The following CTNNA3 variants were observed in gnomAD, a reference collection of about 807,000 sequenced individuals.
The protein encoded by CTNNA3 is catenin alpha 3.
A neutral mutation model predicts 95.7 loss-of-function variants in CTNNA3; 76 were observed. That is an observed-to-expected ratio of 0.79 (90% confidence interval 0.66 to 0.96). The LOEUF is 0.96. Among genes scored for constraint, CTNNA3 ranks in the 40% least tolerant of loss-of-function variants. CTNNA3 has a pLI of 0.00. For missense variants in CTNNA3, 1,191 were observed against 1,089.8 expected, an observed-to-expected ratio of 1.09 and a Z score of -1.31; for synonymous variants, 431 against 374.4, an observed-to-expected ratio of 1.15 and a Z score of -1.74.
At chr10:66,188,591 GTCTCT>G (rs1203504930) in intron 13 of CTNNA3, among the ~76,000 whole-genome samples, 1 of 107,008 alleles carries the variant, frequency 9.3e-6, no homozygotes, top group African/African-American at 4.8e-5. Flanking sequence ...GGGAGGGGGG[GTCTCT>G]GTGTGTGTGT....
chr10:66,599,926 T>A (rs1206911774), intron 10 of CTNNA3, among the ~76,000 whole-genome samples: 2 of 151,988 alleles, frequency 1.3e-5, no homozygotes, highest in Non-Finnish European at 2.9e-5. Context: ...AGAGCTAAAG[T>A]CTTTGGGAAA....
At chr10:66,875,858 T>C (rs1202314591) in intron 7 of CTNNA3, among the ~76,000 whole-genome samples, 1 of 151,874 alleles carries the variant, frequency 6.6e-6, no homozygotes, top group Non-Finnish European at 1.5e-5. Flanking sequence ...ATTAAAAGAG[T>C]CCTTAAAGCA....
chr10:67,197,842 T>C (rs1451613397), intron 6 of CTNNA3, among the ~76,000 whole-genome samples: 1 of 152,180 alleles, frequency 6.6e-6, no homozygotes. Context: ...GTCACTGTGT[T>C]TAAAATTTTA....
At chr10:66,919,305 T>C (rs1192151466) in intron 7 of CTNNA3, among the ~76,000 whole-genome samples, 1 of 152,142 alleles carries the variant, frequency 6.6e-6, no homozygotes, top group Non-Finnish European at 1.5e-5. Context: ...CTCTCAACTT[T>C]TGCGTATGCT....
At chr10:66,980,022 G>A (rs1850319014) in intron 7 of CTNNA3, among the ~76,000 whole-genome samples, 1 of 152,132 alleles carries the variant, frequency 6.6e-6, no homozygotes, top group Admixed American at 6.6e-5. Context: ...TTATGCATTG[G>A]CACTGGAGAC....
chr10:66,166,750 C>CA (rs146443887), intron 13 of CTNNA3, among the ~76,000 whole-genome samples: 9 of 151,096 alleles, frequency 6.0e-5, no homozygotes, highest in African/African-American at 1.5e-4. Context: ...ATTATAACAG[C>CA]AAAAAAAATT....
chr10:67,757,034 T>C (rs1841437250), intron 1 of CTNNA3, among the ~76,000 whole-genome samples: 2 of 152,360 alleles, frequency 1.3e-5, no homozygotes, highest in Middle Eastern at 3.4e-3. Flanking sequence ...TTATCATATA[T>C]TGAGTACCTA....
chr10:67,063,681 C>T (rs769137045), intron 7 of CTNNA3, among the ~76,000 whole-genome samples: 2 of 152,172 alleles, frequency 1.3e-5, no homozygotes, highest in Non-Finnish European at 2.9e-5. Context: ...ACACCTAATA[C>T]GTATGAAGTC....
chr10:66,314,411 T>G (rs1046612060), intron 12 of CTNNA3, among the ~76,000 whole-genome samples: 1 of 150,504 alleles, frequency 6.6e-6, no homozygotes, highest in African/African-American at 2.4e-5. Flanking sequence ...TTTTAAAATA[T>G]CATGTGTGGA....
intron 7 of CTNNA3, among the ~76,000 whole-genome samples, chr10:66,942,115 A>T (rs1169173832): frequency 6.6e-6 from 1 of 152,170 alleles, no homozygotes; most frequent in Non-Finnish European, 1.5e-5. Flanking sequence ...TTGAGGATAA[A>T]TTGAGATAAC....
At chr10:66,533,658 A>T (rs1841547181) in intron 10 of CTNNA3, among the ~76,000 whole-genome samples, 1 of 152,200 alleles carries the variant, frequency 6.6e-6, no homozygotes, top group South Asian at 2.1e-4. Flanking sequence ...CCATGTAACC[A>T]GGGCTCCAGT....
At chr10:67,425,207 A>G (rs1181648913) in intron 5 of CTNNA3, among the ~76,000 whole-genome samples, 1 of 152,120 alleles carries the variant, frequency 6.6e-6, no homozygotes, top group Non-Finnish European at 1.5e-5. Flanking sequence ...TCTTTCATTC[A>G]TTCAATATTT....
At chr10:67,554,386 G>C (rs567459580) in intron 3 of CTNNA3, among the ~76,000 whole-genome samples, 4 of 152,190 alleles carry the variant, frequency 2.6e-5, no homozygotes, top group Non-Finnish European at 5.9e-5. Context: ...GTGTAAAAGT[G>C]TTCCTATTTC....
In CTNNA3 at chr10:66,927,959, G is replaced by A; in HGVS notation, c.1048-152435C>T. ...TGTGCCAGTCCCAAAGAGCTGCAAG[G>A]AGTAAATGTGATCGATGCAGTGAAG... On this transcript the variant is annotated intron_variant, in intron 7 of 17. Coordinates refer to ENST00000433211, the MANE Select transcript of CTNNA3 (RefSeq NM_013266.4). This position sits in a 1 kb window ranked among gnomAD's most constrained non-coding sequence, Gnocchi z 4.7. 1 of 1,614,224 alleles carries A rather than the reference G, an allele frequency of 6.2e-7. No homozygotes were observed. Among genetic ancestry groups the A allele is most frequent in the Non-Finnish European group, 8.5e-7 (1 of 1,180,046 alleles).
At chr10:67,323,259 T>A (rs928492730) in intron 5 of CTNNA3, among the ~76,000 whole-genome samples, 6 of 152,232 alleles carry the variant, frequency 3.9e-5, no homozygotes, top group Non-Finnish European at 1.5e-5. Context: ...TTGTTGCAAT[T>A]GCTTTTGGTG....
intron 7 of CTNNA3, chr10:67,098,629 T>G (rs1205642928): frequency 6.6e-6 from 1 of 152,172 alleles, no homozygotes; most frequent in Middle Eastern, 3.2e-3. Flanking sequence ...TTGTTAAGGG[T>G]TGGGGGAAAG....
rs1015036745 is a variant in CTNNA3 at position 67,369,628 on chromosome 10, C to G, written c.580-149758G>C. Among the ~76,000 whole-genome samples the G allele has an allele frequency of 4.6e-5, 7 of 152,082 alleles. No individual in the cohort carries two copies. The East Asian group carries it at 1.4e-3, about 29-fold the overall frequency. On this transcript the variant is annotated intron_variant, in intron 5 of 17. Transcript: ENST00000433211. The stretch of plus-strand genomic sequence containing the variant: ...GTTAATCTACTCAATATTTTAAAAG[C>G]TCCTAAAAATCAGTAAGCAAAAGAA...
At chr10:66,500,818 T>G (rs888850263) in intron 11 of CTNNA3, among the ~76,000 whole-genome samples, 7 of 152,270 alleles carry the variant, frequency 4.6e-5, no homozygotes, top group Non-Finnish European at 8.8e-5. Context: ...CTGAAGTTGA[T>G]TAAATTATAA....
intron 5 of CTNNA3, among the ~76,000 whole-genome samples, chr10:67,271,964 C>G (rs1838996757): frequency 6.6e-6 from 1 of 152,118 alleles, no homozygotes; most frequent in African/African-American, 2.4e-5. Context: ...TTGCCTTAAA[C>G]TAGGAATAGA....
Sources: gnomAD v4.1 joint callset for allele counts (sites outside exome capture counted in the v4.1 genomes callset) on GRCh38, gnomAD v4.1.1 for gene constraint, Gnocchi (gnomAD v3.1) non-coding constraint, MANE v1.5 for transcripts, NCBI Gene and HGNC (gene_info 2026-07-23, HGNC 2026-07-21) for gene names.